AGBL4: variants seen among roughly 807,000 people sequenced by gnomAD.
AGBL4 encodes the protein cytosolic carboxypeptidase 6.
A neutral mutation model predicts 66.4 loss-of-function variants in AGBL4; 58 were observed. The observed-to-expected ratio is 0.87, with a 90% CI of 0.71 to 1.09. The LOEUF is 1.09. Ranked by LOEUF, AGBL4 falls within the 50% of genes least tolerant of loss-of-function variation. The pLI, the probability that AGBL4 is intolerant of heterozygous loss-of-function variation, is 0.00. For synonymous variants in AGBL4, 234 were observed against 222.9 expected (o/e 1.05, Z -0.44); for missense variants, 579 against 631.0 (o/e 0.92, Z 0.88).
In AGBL4 at chr1:48,663,303, G is replaced by A. The variant is rs533829687; in HGVS notation, c.635-62C>T. The A allele has an allele frequency of 1.1e-4, 175 of 1,533,110 alleles. 4 individuals carry two copies. In the Admixed American group the frequency reaches 2.9e-3, roughly 25 times the overall value. The allele number at this position is 1,533,110 out of a possible 1,614,324, so 95.0% of individuals were successfully genotyped here. A position where few individuals can be genotyped will look rare whatever the true frequency, so the allele number is the denominator to read the frequency against. ...CAAGAAAAGCTGAGTCTAGTGGTTG[G>A]TGTGTGGCAGGGAACCCCAGAGGGA... On this transcript the variant is annotated intron_variant, in intron 6 of 13. Transcript: ENST00000371839.
intron 3 of AGBL4, among the ~76,000 whole-genome samples, chr1:49,335,006 CTG>C (rs1189641930): frequency 2.0e-5 from 3 of 152,336 alleles, no homozygotes; most frequent in African/African-American, 7.2e-5. Context: ...CATTTAATCT[CTG>C]AATACACACA....
chr1:49,062,228 C>T (rs1016756058), intron 4 of AGBL4, among the ~76,000 whole-genome samples: 4 of 152,146 alleles, frequency 2.6e-5, no homozygotes, highest in African/African-American at 9.7e-5. Flanking sequence ...GGCTGGGGAC[C>T]ACTGCTCTAG....
chr1:49,511,607 A>T (rs573978131), intron 3 of AGBL4, among the ~76,000 whole-genome samples: 65 of 151,824 alleles, frequency 4.3e-4, no homozygotes, highest in Middle Eastern at 6.8e-3. Flanking sequence ...AAGTATAATT[A>T]AAAAAAATTT....
intron 2 of AGBL4, among the ~76,000 whole-genome samples, chr1:49,779,324 C>T (rs1298879173): frequency 6.6e-6 from 1 of 152,162 alleles, no homozygotes; most frequent in African/African-American, 2.4e-5. Context: ...AGGCTTTATT[C>T]ACCTACTGCA....
At chr1:48,643,100 G>A (rs900211916) in intron 8 of AGBL4, among the ~76,000 whole-genome samples, 9 of 152,296 alleles carry the variant, frequency 5.9e-5, no homozygotes, top group Middle Eastern at 3.4e-3. Flanking sequence ...TGAGATAAGT[G>A]CTACACATGT....
chr1:49,282,696 T>C (rs998805925), intron 3 of AGBL4, among the ~76,000 whole-genome samples: 1 of 152,138 alleles, frequency 6.6e-6, no homozygotes, highest in Non-Finnish European at 1.5e-5. Flanking sequence ...GGGCGAGGCA[T>C]TGCCTCACTT....
At chr1:49,917,134 C>T (rs933373231) in intron 1 of AGBL4, among the ~76,000 whole-genome samples, 13 of 152,066 alleles carry the variant, frequency 8.5e-5, no homozygotes, top group Non-Finnish European at 1.8e-4. Flanking sequence ...CAAAATCATG[C>T]CAAATTATAA....
chr1:49,545,724 C>G (rs1652423684), intron 3 of AGBL4, among the ~76,000 whole-genome samples: 2 of 152,064 alleles, frequency 1.3e-5, no homozygotes, highest in African/African-American at 4.8e-5. Context: ...AATAAACATT[C>G]CTTAAATGAT....
chr1:49,967,623 T>C (rs1162288474), intron 1 of AGBL4, among the ~76,000 whole-genome samples: 1 of 151,770 alleles, frequency 6.6e-6, no homozygotes, highest in Non-Finnish European at 1.5e-5. Flanking sequence ...GTAACAAAAC[T>C]GCAGAACTTA....
chr1:49,110,256 T>C (rs1391254186), intron 4 of AGBL4, among the ~76,000 whole-genome samples: 1 of 152,182 alleles, frequency 6.6e-6, no homozygotes, highest in Non-Finnish European at 1.5e-5. Flanking sequence ...CCAGAATGAA[T>C]TCTTCCACCT....
chr1:49,603,109 C>T (rs571702215), intron 3 of AGBL4, among the ~76,000 whole-genome samples: 70 of 152,166 alleles, frequency 4.6e-4, no homozygotes, highest in Admixed American at 3.0e-3. Context: ...TCCAGCTAAG[C>T]CTTTCAAACC....
At chr1:49,906,213 T>G (rs887927343) in intron 1 of AGBL4, among the ~76,000 whole-genome samples, 2 of 151,640 alleles carry the variant, frequency 1.3e-5, no homozygotes, top group Non-Finnish European at 2.9e-5. Flanking sequence ...TCCAAACTAT[T>G]TAGGAAATAG....
chr1:49,001,612 G>A (rs898642618), intron 5 of AGBL4, among the ~76,000 whole-genome samples: 1 of 152,108 alleles, frequency 6.6e-6, no homozygotes, highest in African/African-American at 2.4e-5. Flanking sequence ...AGTGGTGTCA[G>A]CTCTAAGTCC....
chr1:49,722,205 C>T (rs1648662266), intron 2 of AGBL4, among the ~76,000 whole-genome samples: 2 of 152,238 alleles, frequency 1.3e-5, no homozygotes, highest in South Asian at 4.1e-4. Flanking sequence ...AACTTGAATC[C>T]CCAAGGTGCC....
intron 2 of AGBL4, among the ~76,000 whole-genome samples, chr1:49,767,818 T>A (rs1261006734): frequency 6.6e-6 from 1 of 151,830 alleles, no homozygotes; most frequent in Non-Finnish European, 1.5e-5. Context: ...ATTATAAACA[T>A]CTCTATGCAA....
At chr1:48,774,785 G>T (rs1644996071) in intron 6 of AGBL4, among the ~76,000 whole-genome samples, 1 of 152,196 alleles carries the variant, frequency 6.6e-6, no homozygotes. Context: ...TGCCTGAAGA[G>T]TCAAGCACAG....
intron 1 of AGBL4, among the ~76,000 whole-genome samples, chr1:49,883,127 A>G (rs1647594080): frequency 6.6e-6 from 1 of 152,228 alleles, no homozygotes; most frequent in Non-Finnish European, 1.5e-5. Context: ...TCATCATTTT[A>G]GAAAATCATA....
chr1:48,690,784 A>G (rs191992276), intron 6 of AGBL4, among the ~76,000 whole-genome samples: 5 of 152,316 alleles, frequency 3.3e-5, no homozygotes, highest in Admixed American at 2.6e-4. Context: ...AGAAATACAC[A>G]TGTCACAAAA....
intron 9 of AGBL4, among the ~76,000 whole-genome samples, chr1:48,625,731 G>A (rs994761954): frequency 3.9e-5 from 6 of 152,166 alleles, no homozygotes; most frequent in Non-Finnish European, 8.8e-5. Context: ...CTAGTCAGTA[G>A]TTGAGAGGTA....
Sources: gnomAD v4.1 joint callset for allele counts (sites outside exome capture counted in the v4.1 genomes callset) on GRCh38, gnomAD v4.1.1 for gene constraint, MANE v1.5 for transcripts, NCBI Gene and HGNC (gene_info 2026-07-23, HGNC 2026-07-21) for gene names.